The following STAU2 variants were observed in gnomAD, a reference collection of about 807,000 sequenced individuals.
STAU2 encodes staufen double-stranded RNA binding protein 2.
In STAU2, 20 loss-of-function variants were observed where a neutral mutation model predicts 65.9. That is an observed-to-expected ratio of 0.30 (90% confidence interval 0.21 to 0.44). STAU2 has a LOEUF of 0.44. STAU2 is among the 20% of genes least tolerant of loss of function. The probability of loss-of-function intolerance (pLI) is 1.00; values close to 1 mark genes in which losing one functional copy is unlikely to be tolerated. For missense variants in STAU2, 558 were observed against 683.9 expected (o/e 0.82, Z 2.05); for synonymous variants, 232 against 233.9 (o/e 0.99, Z 0.07).
intron 6 of STAU2, chr8:73,653,191 G>C (rs1371016546): frequency 6.6e-6 from 1 of 152,160 alleles, no homozygotes; most frequent in Non-Finnish European, 1.5e-5. Flanking sequence ...GGGTACTCTA[G>C]AAACAGATGT....
chr8:73,453,563 T>A (rs1818910837), intron 13 of STAU2, among the ~76,000 whole-genome samples: 1 of 152,224 alleles, frequency 6.6e-6, no homozygotes, highest in Non-Finnish European at 1.5e-5. Flanking sequence ...AGGGGCACCT[T>A]GTTACCTACC....
At chr8:73,657,321 C>G (rs1280487877) in intron 6 of STAU2, among the ~76,000 whole-genome samples, 1 of 152,128 alleles carries the variant, frequency 6.6e-6, no homozygotes, top group Non-Finnish European at 1.5e-5. Context: ...CAAAATATAA[C>G]AAACTAGAAA....
intron 13 of STAU2, among the ~76,000 whole-genome samples, chr8:73,497,886 C>T (rs1821511271): frequency 6.6e-6 from 1 of 151,722 alleles, no homozygotes; most frequent in Non-Finnish European, 1.5e-5. Flanking sequence ...GTGAATAAAA[C>T]ATCTCACATG....
intron 11 of STAU2, among the ~76,000 whole-genome samples, chr8:73,591,255 G>A (rs191995018): frequency 6.6e-6 from 1 of 151,926 alleles, no homozygotes; most frequent in East Asian, 1.9e-4. Flanking sequence ...GGAGGTCAGA[G>A]AAACTTAGAG....
chr8:73,480,214 G>GA (rs369877641), intron 13 of STAU2, among the ~76,000 whole-genome samples: 105 of 152,128 alleles, frequency 6.9e-4, no homozygotes, highest in African/African-American at 2.4e-3. Flanking sequence ...TGGCTATGTT[G>GA]GAATAGTCCC....
At chr8:73,470,963 T>A (rs1038516786) in intron 13 of STAU2, among the ~76,000 whole-genome samples, 2 of 152,124 alleles carry the variant, frequency 1.3e-5, no homozygotes, top group African/African-American at 4.8e-5. Context: ...AGGGTCTCCC[T>A]TTTTCATCAT....
At chr8:73,712,875 G>A (rs1003946907) in intron 3 of STAU2, among the ~76,000 whole-genome samples, 7 of 152,190 alleles carry the variant, frequency 4.6e-5, no homozygotes, top group Non-Finnish European at 8.8e-5. Flanking sequence ...AGGATTGCTT[G>A]AGCCCAGGAG....
intron 3 of STAU2, among the ~76,000 whole-genome samples, chr8:73,737,850 T>C (rs916577497): frequency 4.0e-5 from 6 of 151,616 alleles, no homozygotes; most frequent in Non-Finnish European, 7.4e-5. Flanking sequence ...CTGTAGTTTA[T>C]CAGGGCACTT....
chr8:73,722,763 C>T lies in STAU2; in HGVS notation c.-17-13601G>A, dbSNP rs142337590. ...TCCTCACTTAACATCATCAATAGGT[C>T]CTTGGAAGCTGCAACTTCAAGTGAA... On this transcript the variant is annotated intron_variant, in intron 3 of 14. Transcript: ENST00000524300. Among the ~76,000 whole-genome samples the T allele has an allele frequency of 1.7e-3, 266 of 152,238 alleles. 2 individuals are homozygous for T. The highest frequency in any genetic ancestry group is 9.1e-3 in the South Asian group (44 of 4,830).
chr8:73,521,573 G>T (rs1372605693), intron 13 of STAU2, among the ~76,000 whole-genome samples: 2 of 152,146 alleles, frequency 1.3e-5, no homozygotes, highest in African/African-American at 4.8e-5. Flanking sequence ...TTCAACTTAT[G>T]ATTTTTTGAC....
At chr8:73,421,577 T>A in intron 14 of STAU2, 112 bp from the exon 15 acceptor site, 2 of 954,852 alleles carry the variant, frequency 2.1e-6, no homozygotes, top group East Asian at 2.6e-5. Context: ...AGTGACATTT[T>A]AAAGTGAAAC....
chr8:73,524,315 A>G (rs1823225112), intron 13 of STAU2, among the ~76,000 whole-genome samples: 1 of 152,126 alleles, frequency 6.6e-6, no homozygotes, highest in East Asian at 1.9e-4. Flanking sequence ...ATTCACTGGG[A>G]CAGAGGAAAG....
chr8:73,676,467 C>T (rs139974563), intron 5 of STAU2, among the ~76,000 whole-genome samples: 8 of 152,306 alleles, frequency 5.3e-5, no homozygotes, highest in South Asian at 2.1e-4. Flanking sequence ...GCTTCTAAAA[C>T]TAACATGAGG....
chr8:73,707,425 T>C (rs1167322143), intron 4 of STAU2, among the ~76,000 whole-genome samples: 8 of 152,026 alleles, frequency 5.3e-5, no homozygotes, highest in East Asian at 3.9e-4. Context: ...TGAAGGACAG[T>C]AGAGAACAAG....
intron 11 of STAU2, among the ~76,000 whole-genome samples, chr8:73,591,882 T>TAAAAAAAAAAAAAAAAA (rs34533172): frequency 7.0e-5 from 2 of 28,474 alleles, no homozygotes; most frequent in African/African-American, 2.3e-4. Context: ...ATCCCAGAGG[T>TAAAAAAAAAAAAAAAAA]AAAAAAAAAA....
At chr8:73,542,592 T>C (rs1416913922) in intron 13 of STAU2, among the ~76,000 whole-genome samples, 1 of 152,140 alleles carries the variant, frequency 6.6e-6, no homozygotes, top group Non-Finnish European at 1.5e-5. Flanking sequence ...AAATGACTTA[T>C]GGCCAGGATA....
intron 1 of STAU2, among the ~76,000 whole-genome samples, chr8:73,743,240 T>G (rs546066157): frequency 7.1e-4 from 107 of 151,320 alleles, no homozygotes; most frequent in African/African-American, 2.5e-3. Context: ...AAAAGGAAAC[T>G]AACATTTTTC....
intron 13 of STAU2, among the ~76,000 whole-genome samples, chr8:73,547,200 G>A (rs1166906894): frequency 6.6e-6 from 1 of 152,146 alleles, no homozygotes; most frequent in Non-Finnish European, 1.5e-5. Context: ...ATGTGCTGGT[G>A]CATAAAGGCT....
At chr8:73,430,331 A>G (rs1817168201) in intron 13 of STAU2, among the ~76,000 whole-genome samples, 2 of 152,172 alleles carry the variant, frequency 1.3e-5, no homozygotes, top group Non-Finnish European at 2.9e-5. Context: ...CATGTTCAGG[A>G]AAACAGAGTG....
Sources: allele counts gnomAD v4.1 joint callset (sites outside exome capture counted in the v4.1 genomes callset), GRCh38; gene constraint gnomAD v4.1.1; transcripts MANE v1.5; gene names NCBI Gene and HGNC (gene_info 2026-07-23, HGNC 2026-07-21).